PPP2R1A: variants seen among roughly 807,000 people sequenced by gnomAD.
The protein encoded by PPP2R1A is protein phosphatase 2 scaffold subunit Aalpha, also known as serine/threonine-protein phosphatase 2A 65 kDa regulatory subunit A alpha isoform.
Under a neutral mutation model 67.1 loss-of-function variants are expected in PPP2R1A, and 15 were observed. The observed-to-expected ratio is 0.22, with a 90% CI of 0.15 to 0.34. The LOEUF is 0.34. Ranked by LOEUF, PPP2R1A falls within the 10% of genes least tolerant of loss-of-function variation. PPP2R1A has a pLI of 1.00. For synonymous variants in PPP2R1A, 337 were observed against 325.0 expected (o/e 1.04, Z -0.40); for missense variants, 369 against 775.0 (o/e 0.48, Z 6.22).
At chr19:52,202,088 T>G in intron 2 of PPP2R1A, 54 bp downstream of exon 2, 1 of 1,452,746 alleles carries the variant, frequency 6.9e-7, no homozygotes, top group Non-Finnish European at 9.7e-7. Context: ...GAGGTGGTTT[T>G]CACTATATAA....
At chr19:52,206,743 G>A (rs1223181464) in intron 3 of PPP2R1A, among the ~76,000 whole-genome samples, 1 of 152,188 alleles carries the variant, frequency 6.6e-6, no homozygotes, top group Admixed American at 6.5e-5. Context: ...AGATGGGCCA[G>A]ATCCCAACAA....
At chr19:52,210,405 AAGCTTAGGTCAGGTTT>A (rs2089653201) in intron 3 of PPP2R1A, among the ~76,000 whole-genome samples, 1 of 151,914 alleles carries the variant, frequency 6.6e-6, no homozygotes, top group African/African-American at 2.4e-5. Context: ...TGTTCATGGG[AAGCTTAGGTCAGGTTT>A]TCGATCCTGA....
chr19:52,225,568 G>A, intron 13 of PPP2R1A, 149 bp from the exon 14 acceptor site: 1 of 644,602 alleles, frequency 1.6e-6, no homozygotes, highest in Non-Finnish European at 2.8e-6. Flanking sequence ...TAATTCCTGT[G>A]TGTGCCCTGG....
chr19:52,194,292 A>C (rs1191598670), intron 1 of PPP2R1A, among the ~76,000 whole-genome samples: 1 of 151,998 alleles, frequency 6.6e-6, no homozygotes, highest in African/African-American at 2.4e-5. Context: ...CAGGAGTGGG[A>C]GGATGCTTGA....
Position 52,213,862 on chromosome 19 carries a change from C to G in PPP2R1A, c.807+752C>G, listed in dbSNP as rs1422985960. ...GGGACAAGACTCCAGGTCTGTGACT[C>G]TCAGGACAGTGCTCCTTCCACAGGG... On this transcript the variant is annotated intron_variant, in intron 6 of 14. Transcript: ENST00000322088. The surrounding 1 kb of genome is among the most constrained non-coding windows in gnomAD (Gnocchi z 4.2). 6.6e-6 allele frequency among the ~76,000 whole-genome samples: 1 copy of G among 152,124 alleles called. No homozygotes were observed. Among genetic ancestry groups the G allele is most frequent in the African/African-American group, 2.4e-5 (1 of 41,442 alleles).
intron 3 of PPP2R1A, among the ~76,000 whole-genome samples, chr19:52,209,469 AT>A (rs2089642420): frequency 6.6e-6 from 1 of 152,088 alleles, no homozygotes; most frequent in East Asian, 1.9e-4. Context: ...CATTGCAACT[AT>A]TTTTAAATGC....
In PPP2R1A at chr19:52,229,047, G is replaced by C. The variant is rs1300876986; in HGVS notation, c.*3066G>C. On this transcript the variant is annotated 3_prime_UTR_variant, in exon 15 of 15. Transcript: ENST00000322088. ...GACGAGGTGGTGCCTCAGCCCCGAG[G>C]AGTGAACTGCAGGGCACCGACAAGA... 2.0e-5 allele frequency: 3 copies of C among 152,216 alleles called. No individual in the cohort carries two copies. The East Asian group carries it at 5.8e-4, about 29-fold the overall frequency. The allele number at this position is 152,216 out of a possible 1,614,324, so 9.4% of individuals were successfully genotyped here. A position where few individuals can be genotyped will look rare whatever the true frequency, so the allele number is the denominator to read the frequency against.
intron 1 of PPP2R1A, 100 bp downstream of exon 1, chr19:52,190,274 AG>A (rs1280425152): frequency 4.4e-6 from 6 of 1,358,608 alleles, no homozygotes; most frequent in Non-Finnish European, 6.1e-6. Context: ...GAGTGGCGGA[AG>A]GGGGCGACGG....
At position 52,212,960 on chromosome 19, in the gene PPP2R1A, G is replaced by A. The variant is rs750477691; in HGVS notation, c.657G>A (p.Ser219=). The change falls in exon 6 of 15, where the codon TCG becomes TCA. Residue 219 remains serine (S), a synonymous_variant. Coordinates refer to ENST00000322088, the MANE Select transcript of PPP2R1A (RefSeq NM_014225.6). The surrounding 1 kb of genome is among the most constrained non-coding windows in gnomAD (Gnocchi z 4.1). ...TGTTCCTCTCCTCTCCCTAGGACTC[G>A]GTGCGGCTGCTGGCGGTGGAGGCGT... is the stretch of plus-strand genomic sequence containing the variant. ...FSNLASDEQD[S]VRLLAVEACV... The A allele has an allele frequency of 2.0e-5, 32 of 1,596,098 alleles. No homozygotes were observed. In the East Asian group the frequency reaches 2.0e-4, roughly 10 times the overall value.
chr19:52,213,764 G>T lies in PPP2R1A; in HGVS notation c.807+654G>T, dbSNP rs1301924949. Among the ~76,000 whole-genome samples, 1 of 152,014 alleles carries T rather than the reference G, an allele frequency of 6.6e-6. No homozygotes were observed. The highest frequency in any genetic ancestry group is 2.4e-5 in the African/African-American group (1 of 41,376). On this transcript the variant is annotated intron_variant, in intron 6 of 14. Transcript: ENST00000322088. This position sits in a 1 kb window ranked among gnomAD's most constrained non-coding sequence, Gnocchi z 4.2. ...ATCTCCCAAAGTGCTGGGATTACAGGTGTTAGCCACCGCGCCCAGCCCCGG... is the reference window on the plus strand; with the variant it reads ...ATCTCCCAAAGTGCTGGGATTACAGTTGTTAGCCACCGCGCCCAGCCCCGG...
At chr19:52,220,318 C>T (rs1978837794) in intron 11 of PPP2R1A, 69 bp downstream of exon 11, 1 of 1,543,532 alleles carries the variant, frequency 6.5e-7, no homozygotes, top group Non-Finnish European at 8.9e-7. Context: ...TTGGCTGGGG[C>T]TGTGGCGGGC....
At chr19:52,200,747 T>G (rs970822101) in intron 1 of PPP2R1A, among the ~76,000 whole-genome samples, 20 of 152,250 alleles carry the variant, frequency 1.3e-4, no homozygotes, top group Admixed American at 4.6e-4. Context: ...CAATTCCTTG[T>G]GTTCCTGGGC....
At chr19:52,204,258 T>C (rs959513920) in intron 2 of PPP2R1A, among the ~76,000 whole-genome samples, 8 of 152,184 alleles carry the variant, frequency 5.3e-5, no homozygotes, top group Non-Finnish European at 1.5e-5. Flanking sequence ...GACCACAGTA[T>C]GTGAGATCAG....
rs112204781 is a variant in PPP2R1A at position 52,208,714 on chromosome 19, G to C, written c.271-2546G>C. Among the ~76,000 whole-genome samples, 1,234 of 152,108 alleles carry C rather than the reference G, an allele frequency of 8.1e-3. 19 individuals carry two copies. Among genetic ancestry groups the C allele is most frequent in the African/African-American group, 0.028 (1,172 of 41,500 alleles). On this transcript the variant is annotated intron_variant, in intron 3 of 14. Coordinates refer to ENST00000322088, the MANE Select transcript of PPP2R1A (RefSeq NM_014225.6). ...AGGGTTTCACCATGTTGGCCAGGCT[G>C]GTCTAGAACTCCTGGCCTCAAATGA...
chr19:52,224,753 A>G (rs1486071386), intron 13 of PPP2R1A, among the ~76,000 whole-genome samples: 3 of 152,150 alleles, frequency 2.0e-5, no homozygotes, highest in African/African-American at 7.2e-5. Context: ...AGACTGGAGT[A>G]CAGTGGTGCG....
chr19:52,196,391 A>G (rs1291752420), intron 1 of PPP2R1A, among the ~76,000 whole-genome samples: 1 of 152,192 alleles, frequency 6.6e-6, no homozygotes, highest in Admixed American at 6.5e-5. Context: ...TATCACAGAA[A>G]TGCGGTTTTT....
intron 2 of PPP2R1A, among the ~76,000 whole-genome samples, chr19:52,204,332 G>A (rs978281157): frequency 6.6e-6 from 1 of 152,200 alleles, no homozygotes; most frequent in Non-Finnish European, 1.5e-5. Flanking sequence ...ACACCTGAAA[G>A]AGTCACTCTG....
intron 13 of PPP2R1A, 85 bp from the exon 14 acceptor site, chr19:52,225,632 C>G (rs1184281691): frequency 7.9e-7 from 1 of 1,258,484 alleles, no homozygotes. Flanking sequence ...TGTGTACACT[C>G]TCTTGCCCAA....
At chr19:52,220,314 G>T in intron 11 of PPP2R1A, 65 bp downstream of exon 11, 2 of 1,566,876 alleles carry the variant, frequency 1.3e-6, no homozygotes, top group Admixed American at 1.7e-5. Flanking sequence ...TGGATTGGCT[G>T]GGGCTGTGGC....
Sources: gnomAD v4.1 joint callset for allele counts (sites outside exome capture counted in the v4.1 genomes callset) on GRCh38, gnomAD v4.1.1 for gene constraint, Gnocchi (gnomAD v3.1) non-coding constraint, MANE v1.5 for transcripts, NCBI Gene and HGNC (gene_info 2026-07-23, HGNC 2026-07-21) for gene names.